Variants in NCOA2 observed in about 807,000 individuals in gnomAD.
NCOA2 encodes the protein class E basic helix-loop-helix protein 75.
In NCOA2, 21 loss-of-function variants were observed where a neutral mutation model predicts 145.1. That is an observed-to-expected ratio of 0.14 (90% CI 0.10 to 0.21). The LOEUF is 0.21. NCOA2 is among the 10% of genes least tolerant of loss of function. The pLI, the probability that NCOA2 is intolerant of heterozygous loss-of-function variation, is 1.00. For missense variants in NCOA2, 1,472 were observed against 1,837.6 expected (o/e 0.80, Z 3.64); for synonymous variants, 619 against 637.5 (o/e 0.97, Z 0.44).
chr8:70,422,665 A>G, the NCOA2 span, among the ~76,000 whole-genome samples: 1 of 151,818 alleles, frequency 6.6e-6, no homozygotes, highest in African/African-American at 2.4e-5. Context: ...CCCACCTCCC[A>G]GTGTTGCGAT....
chr8:70,408,197 C>T (rs752957782), upstream of NCOA2, among the ~76,000 whole-genome samples: 6 of 152,140 alleles, frequency 3.9e-5, no homozygotes, highest in Non-Finnish European at 8.8e-5. Flanking sequence ...CAAATTTTAT[C>T]AGTGCAATAA....
intron 1 of NCOA2, among the ~76,000 whole-genome samples, chr8:70,387,601 T>C: frequency 6.6e-6 from 1 of 151,834 alleles, no homozygotes; most frequent in East Asian, 1.9e-4. Flanking sequence ...TCTTATAATG[T>C]GTCTTCCAAG....
chr8:70,452,722 T>C, the NCOA2 span, among the ~76,000 whole-genome samples: 3 of 151,172 alleles, frequency 2.0e-5, no homozygotes, highest in Admixed American at 1.3e-4. Flanking sequence ...ATTTTTAAAA[T>C]TGCAAAAAGA....
upstream of NCOA2, among the ~76,000 whole-genome samples, chr8:70,407,888 G>A (rs1465647003): frequency 6.6e-6 from 1 of 152,124 alleles, no homozygotes; most frequent in African/African-American, 2.4e-5. Context: ...ACTGTCACAG[G>A]ATTGATCCCC....
intron 4 of NCOA2, among the ~76,000 whole-genome samples, chr8:70,190,433 G>A (rs767163840): frequency 2.0e-5 from 3 of 152,140 alleles, no homozygotes; most frequent in Non-Finnish European, 2.9e-5. Context: ...TTGCTCTCAC[G>A]TATCCGAATA....
intron 1 of NCOA2, among the ~76,000 whole-genome samples, chr8:70,380,994 G>A (rs1353071418): frequency 6.6e-6 from 1 of 151,416 alleles, no homozygotes; most frequent in Non-Finnish European, 1.5e-5. Context: ...GATCACCTGA[G>A]TCCAGGAGGT....
chr8:70,228,271 A>G (rs571697975), intron 2 of NCOA2, among the ~76,000 whole-genome samples: 13 of 152,238 alleles, frequency 8.5e-5, no homozygotes, highest in Non-Finnish European at 1.9e-4. Context: ...AACTTGAGAC[A>G]CAGGCAAGTA....
intron 2 of NCOA2, among the ~76,000 whole-genome samples, chr8:70,220,529 G>A (rs1227349999): frequency 6.6e-6 from 1 of 152,154 alleles, no homozygotes; most frequent in Non-Finnish European, 1.5e-5. Flanking sequence ...TGAGCTAGAC[G>A]GTAGGGAAGA....
At chr8:70,239,321 A>G (rs1272044788) in intron 2 of NCOA2, among the ~76,000 whole-genome samples, 1 of 152,104 alleles carries the variant, frequency 6.6e-6, no homozygotes, top group African/African-American at 2.4e-5. Context: ...ACAACAACTT[A>G]TCATCTAAAT....
At chr8:70,136,292 G>A (rs954021029) in intron 15 of NCOA2, among the ~76,000 whole-genome samples, 7 of 151,946 alleles carry the variant, frequency 4.6e-5, no homozygotes, top group Non-Finnish European at 1.0e-4. Flanking sequence ...AACCCAGGAG[G>A]TGGAGGTTGC....
chr8:70,418,145 A>G, the NCOA2 span, among the ~76,000 whole-genome samples: 70 of 152,296 alleles, frequency 4.6e-4, no homozygotes, highest in Middle Eastern at 0.017. Context: ...AATAGTGGGT[A>G]TGGGAGAAAA....
intron 2 of NCOA2, among the ~76,000 whole-genome samples, chr8:70,236,543 G>T (rs1026747659): frequency 6.6e-6 from 1 of 151,968 alleles, no homozygotes; most frequent in Non-Finnish European, 1.5e-5. Context: ...TTAAGACCTA[G>T]CTCACATTGA....
intron 4 of NCOA2, among the ~76,000 whole-genome samples, chr8:70,186,103 G>C (rs1324016383): frequency 1.3e-5 from 2 of 151,870 alleles, no homozygotes; most frequent in African/African-American, 4.8e-5. Flanking sequence ...TTTCTCCAGA[G>C]AAACCCATCT....
chr8:70,169,768 T>TTAAAAAA (rs1176800409), intron 6 of NCOA2, among the ~76,000 whole-genome samples: 1 of 151,932 alleles, frequency 6.6e-6, no homozygotes, highest in Non-Finnish European at 1.5e-5. Flanking sequence ...AAATAAAAAA[T>TTAAAAAA]TAAAAAAAAT....
upstream of NCOA2, among the ~76,000 whole-genome samples, chr8:70,408,239 C>A (rs1268838026): frequency 2.6e-5 from 4 of 152,100 alleles, no homozygotes; most frequent in Non-Finnish European, 2.9e-5. Context: ...GAGGTGAAAC[C>A]AAACTTATTC....
At chr8:70,256,080 A>T (rs957919915) in intron 2 of NCOA2, among the ~76,000 whole-genome samples, 3 of 152,208 alleles carry the variant, frequency 2.0e-5, no homozygotes, top group African/African-American at 7.2e-5. Context: ...TAACGAACTG[A>T]GAGACACATT....
At position 70,174,640 on chromosome 8, in the gene NCOA2, C is replaced by T. The variant is rs1444514855; in HGVS notation, c.363+116G>A. 3.1e-6 allele frequency: 3 copies of T among 954,636 alleles called. No individual in the cohort carries two copies. In the Admixed American group the frequency reaches 5.6e-5, roughly 18 times the overall value. The allele number at this position is 954,636 out of a possible 1,614,324, so 59.1% of individuals were successfully genotyped here. A position where few individuals can be genotyped will look rare whatever the true frequency, so the allele number is the denominator to read the frequency against. ...AGGCATATCAGCAAGCTCAAGAGGT[C>T]CATAGTACTAGTACTAGTGTGGATT... On this transcript the variant is annotated intron_variant, in intron 5 of 22. Transcript: ENST00000452400.
intron 4 of NCOA2, among the ~76,000 whole-genome samples, chr8:70,195,173 C>T (rs1817150102): frequency 2.0e-5 from 3 of 152,228 alleles, no homozygotes; most frequent in Admixed American, 2.0e-4. Flanking sequence ...ACTGTAGTAG[C>T]TGACCCTTTT....
intron 1 of NCOA2, among the ~76,000 whole-genome samples, chr8:70,316,988 A>G (rs986581215): frequency 2.0e-5 from 3 of 152,082 alleles, no homozygotes; most frequent in Non-Finnish European, 4.4e-5. Context: ...TCAGACTCTG[A>G]TCTCTGCGTG....
Sources: gnomAD v4.1 joint callset for allele counts (sites outside exome capture counted in the v4.1 genomes callset) on GRCh38, gnomAD v4.1.1 for gene constraint, MANE v1.5 for transcripts, NCBI Gene and HGNC (gene_info 2026-07-23, HGNC 2026-07-21) for gene names.